The following PCSK5 variants were observed in gnomAD, a reference collection of about 807,000 sequenced individuals.
The protein encoded by PCSK5 is proprotein convertase subtilisin/kexin type 5.
A neutral mutation model predicts 233.2 loss-of-function variants in PCSK5; 129 were observed. The ratio of observed to expected loss-of-function variants is 0.55; its 90% CI spans 0.48 to 0.64. The LOEUF (loss-of-function observed/expected upper bound fraction) is 0.64, where lower values mean the gene tolerates loss of function less well. PCSK5 is among the 30% of genes least tolerant of loss of function. PCSK5 has a pLI of 0.00. For synonymous variants in PCSK5, 825 were observed against 879.2 expected (o/e 0.94, Z 1.09); for missense variants, 2,076 against 2,430.1 (o/e 0.85, Z 3.06).
At chr9:75,978,921 G>A (rs770827586) in intron 2 of PCSK5, among the ~76,000 whole-genome samples, 1 of 138,244 alleles carries the variant, frequency 7.2e-6, no homozygotes, top group Non-Finnish European at 1.5e-5. Flanking sequence ...TGCCCAGGCT[G>A]GAGTGCAATG....
Position 76,157,033 on chromosome 9 carries a change from C to T in PCSK5, c.1313-12C>T, listed in dbSNP as rs778132532. On this transcript the variant is annotated splice_polypyrimidine_tract_variant and intron_variant, in intron 10 of 37. Coordinates refer to ENST00000674117, the MANE Select transcript of PCSK5 (RefSeq NM_001372043.1). Reference sequence around the variant, plus strand: ...AGCTTAGTGAAGCTGACCAGTCTCTCGCTTTCCACAGTGAGCCATCTTTAT... The same window carrying T: ...AGCTTAGTGAAGCTGACCAGTCTCTTGCTTTCCACAGTGAGCCATCTTTAT... 2.9e-5 allele frequency: 46 copies of T among 1,595,376 alleles called. No homozygotes were observed. Among genetic ancestry groups the T allele is most frequent in the Non-Finnish European group, 3.7e-5 (43 of 1,163,022 alleles).
At chr9:76,191,621 G>GTGAT (rs1401270182) in intron 20 of PCSK5, among the ~76,000 whole-genome samples, 3 of 152,184 alleles carry the variant, frequency 2.0e-5, no homozygotes, top group African/African-American at 7.2e-5. Context: ...TTTCCAGTAT[G>GTGAT]TGATTGGTCT....
intron 2 of PCSK5, among the ~76,000 whole-genome samples, chr9:75,951,791 A>G (rs4639581): frequency 0.87 from 131,817 of 151,722 alleles, 57,360 homozygotes; most frequent in African/African-American, 0.92. Flanking sequence ...ACAGTGTAAC[A>G]ACTATTTACA....
At chr9:75,970,277 A>G (rs185747101) in intron 2 of PCSK5, among the ~76,000 whole-genome samples, 13 of 152,218 alleles carry the variant, frequency 8.5e-5, no homozygotes, top group Non-Finnish European at 1.9e-4. Flanking sequence ...CTGGGTAACT[A>G]AGGCTTTTGG....
intron 7 of PCSK5, among the ~76,000 whole-genome samples, chr9:76,093,080 CTTTTTTTTTTTT>C (rs71372045): frequency 0.055 from 4,724 of 85,958 alleles, 319 homozygotes; most frequent in African/African-American, 0.18. Context: ...TTGTCTTTCC[CTTTTTTTTTTTT>C]TTTTTTTTTT....
rs117104995 is a variant in PCSK5 at position 76,207,372 on chromosome 9, C to T, written c.2626+17626C>T. Among the ~76,000 whole-genome samples the T allele has an allele frequency of 6.6e-5, 10 of 152,258 alleles. No individual in the cohort carries two copies. The East Asian group carries it at 1.4e-3, about 21-fold the overall frequency. ...CAGTGAAGTGGAAATAATAATATGT[C>T]CTCATGAGAACATTACCATGTGGTA... On this transcript the variant is annotated intron_variant, in intron 20 of 37. Coordinates refer to ENST00000674117, the MANE Select transcript of PCSK5 (RefSeq NM_001372043.1).
At chr9:76,281,410 T>A (rs1414093097) in intron 24 of PCSK5, among the ~76,000 whole-genome samples, 1 of 152,216 alleles carries the variant, frequency 6.6e-6, no homozygotes, top group African/African-American at 2.4e-5. Context: ...CTGCCTGTGG[T>A]CCATAAATGA....
Position 76,202,433 on chromosome 9 carries a change from A to G in PCSK5, c.2626+12687A>G, listed in dbSNP as rs149439768. 1.7e-4 allele frequency among the ~76,000 whole-genome samples: 26 copies of G among 152,342 alleles called. No individual in the cohort carries two copies. In the East Asian group the frequency reaches 5.0e-3, roughly 29 times the overall value. On this transcript the variant is annotated intron_variant, in intron 20 of 37. Coordinates refer to ENST00000674117, the MANE Select transcript of PCSK5 (RefSeq NM_001372043.1). Reference sequence around the variant, plus strand: ...TTTTAAAAATTCAAAGCTCAGCATGAGACTCCACTCCCCTGTGACTTCCCA... The same window carrying G: ...TTTTAAAAATTCAAAGCTCAGCATGGGACTCCACTCCCCTGTGACTTCCCA...
intron 5 of PCSK5, among the ~76,000 whole-genome samples, chr9:76,047,151 C>CA (rs1282172069): frequency 4.0e-5 from 6 of 151,042 alleles, no homozygotes; most frequent in Non-Finnish European, 7.4e-5. Context: ...TGCTGGAGTG[C>CA]AATGGTGAGA....
At chr9:76,116,536 C>T (rs1277949074) in intron 9 of PCSK5, among the ~76,000 whole-genome samples, 3 of 152,026 alleles carry the variant, frequency 2.0e-5, no homozygotes, top group African/African-American at 7.2e-5. Flanking sequence ...ATTCTACTTG[C>T]CATTGTTCCC....
chr9:76,332,707 A>T, intron 34 of PCSK5, 97 bp downstream of exon 34: 1 of 921,900 alleles, frequency 1.1e-6, no homozygotes, highest in Non-Finnish European at 1.6e-6. Context: ...GAACACTTAT[A>T]AAACCAGGTT....
intron 30 of PCSK5, among the ~76,000 whole-genome samples, chr9:76,314,798 G>T (rs1271326749): frequency 2.0e-5 from 3 of 150,258 alleles, no homozygotes; most frequent in African/African-American, 4.9e-5. Context: ...CACCACACCT[G>T]GCTTATATTT....
intron 7 of PCSK5, among the ~76,000 whole-genome samples, chr9:76,085,201 T>C (rs917979370): frequency 1.3e-5 from 2 of 152,176 alleles, no homozygotes; most frequent in Non-Finnish European, 2.9e-5. Flanking sequence ...GTCACCAAAG[T>C]GAACACTACA....
At chr9:76,261,651 T>C (rs1827178477) in intron 24 of PCSK5, among the ~76,000 whole-genome samples, 1 of 152,210 alleles carries the variant, frequency 6.6e-6, no homozygotes, top group African/African-American at 2.4e-5. Flanking sequence ...TGGAATGTTC[T>C]TCCATTTGTT....
chr9:76,216,377 T>C (rs988417001), intron 20 of PCSK5, among the ~76,000 whole-genome samples: 26 of 152,226 alleles, frequency 1.7e-4, no homozygotes, highest in Non-Finnish European at 3.4e-4. Context: ...CCTCTCATGA[T>C]GTTATTAATG....
chr9:76,244,212 C>A (rs1240605893), intron 24 of PCSK5, among the ~76,000 whole-genome samples: 1 of 152,126 alleles, frequency 6.6e-6, no homozygotes, highest in Admixed American at 6.5e-5. Context: ...GGCAACAGAG[C>A]AAGATCCTTT....
chr9:76,352,319 T>A (rs114306561), intron 36 of PCSK5, among the ~76,000 whole-genome samples: 2,010 of 152,226 alleles, frequency 0.013, 42 homozygotes, highest in African/African-American at 0.044. Context: ...CCATCTTGGT[T>A]TAGGTGGGTT....
intron 30 of PCSK5, among the ~76,000 whole-genome samples, chr9:76,315,156 G>A (rs1032979101): frequency 2.6e-5 from 4 of 151,600 alleles, no homozygotes; most frequent in Admixed American, 6.6e-5. Context: ...GTTTCACCAC[G>A]TTGGCCAGGC....
At chr9:76,257,246 C>T (rs377098925) in intron 24 of PCSK5, among the ~76,000 whole-genome samples, 5 of 152,130 alleles carry the variant, frequency 3.3e-5, no homozygotes, top group African/African-American at 1.2e-4. Context: ...ATGCCACAAC[C>T]AAACTGCTAT....
Sources: gnomAD v4.1 joint callset for allele counts (sites outside exome capture counted in the v4.1 genomes callset) on GRCh38, gnomAD v4.1.1 for gene constraint, MANE v1.5 for transcripts, NCBI Gene and HGNC (gene_info 2026-07-23, HGNC 2026-07-21) for gene names.